The following PDE1B variants were observed in gnomAD, a reference collection of about 807,000 sequenced individuals.
The protein encoded by PDE1B is dual specificity calcium/calmodulin-dependent 3',5'-cyclic nucleotide phosphodiesterase 1B.
In PDE1B, 13 loss-of-function variants were observed where a neutral mutation model predicts 66.7. The observed-to-expected ratio is 0.19, with a 90% CI of 0.13 to 0.31. The LOEUF (loss-of-function observed/expected upper bound fraction) is 0.31, where lower values mean the gene tolerates loss of function less well. PDE1B is among the 10% of genes least tolerant of loss of function. The pLI, the probability that PDE1B is intolerant of heterozygous loss-of-function variation, is 1.00. For synonymous variants in PDE1B, 230 were observed against 253.9 expected (o/e 0.91, Z 0.90); for missense variants, 485 against 682.3 (o/e 0.71, Z 3.22).
At position 54,575,354 on chromosome 12, in the gene PDE1B, A is replaced by G. The variant is rs1957715079; in HGVS notation, c.1185+136A>G. 2.4e-6 allele frequency: 2 copies of G among 827,724 alleles called. No individual in the cohort carries two copies. Among genetic ancestry groups the G allele is most frequent in the African/African-American group, 3.4e-5 (2 of 59,356 alleles). 51.3% of individuals were successfully genotyped at this position (827,724 alleles called of 1,614,324 possible). A position where few individuals can be genotyped will look rare whatever the true frequency, so the allele number is the denominator to read the frequency against. ...GACCTGATCCCAAATCCTTGGGGTA[A>G]AACCCCATTATCCTAAAAGCCTAAC... On this transcript the variant is annotated intron_variant, in intron 11 of 15. Coordinates refer to ENST00000243052, the MANE Select transcript of PDE1B (RefSeq NM_000924.4). This position sits in a 1 kb window ranked among gnomAD's most constrained non-coding sequence, Gnocchi z 4.0.
intron 10 of PDE1B, chr12:54,574,781 G>C (rs1957700434): frequency 5.3e-6 from 1 of 189,126 alleles, no homozygotes; most frequent in African/African-American, 2.4e-5. Flanking sequence ...GACCAGCCTG[G>C]CCAACACGGT....
chr12:54,559,578 T>A (rs780848964), intron 2 of PDE1B, among the ~76,000 whole-genome samples: 2 of 151,782 alleles, frequency 1.3e-5, no homozygotes, highest in Admixed American at 6.6e-5. Flanking sequence ...TTAGGAAGAG[T>A]AAATAATAAT....
rs1002064213 is a variant in PDE1B at position 54,561,375 on chromosome 12, A to T, written c.114-5599A>T. 5.0e-5 allele frequency: 46 copies of T among 921,742 alleles called. No homozygotes were observed. The African/African-American group carries it at 7.4e-4, about 15-fold the overall frequency. The allele number at this position is 921,742 out of a possible 1,614,324, so 57.1% of individuals were successfully genotyped here. ...AACTTTTCCCGCAGCCTCCCCTCTC[A>T]CCCAGTTCCGGTAGGCTGGGTCTCT... is the stretch of plus-strand genomic sequence containing the variant. On this transcript the variant is annotated intron_variant, in intron 2 of 15. Transcript: ENST00000243052.
chr12:54,555,942 C>T (rs1228520101), intron 2 of PDE1B, among the ~76,000 whole-genome samples: 1 of 152,164 alleles, frequency 6.6e-6, no homozygotes, highest in Non-Finnish European at 1.5e-5. Context: ...GCTCCCTCCC[C>T]TCACTGAGGG....
chr12:54,576,196 G>C (rs915805417), intron 13 of PDE1B, 96 bp downstream of exon 13: 2 of 797,944 alleles, frequency 2.5e-6, no homozygotes, highest in Non-Finnish European at 4.4e-6. Context: ...CAGCCATGGT[G>C]GGGTGGTGGG....
At chr12:54,552,474 C>T (rs1324568999) in intron 2 of PDE1B, among the ~76,000 whole-genome samples, 3 of 152,134 alleles carry the variant, frequency 2.0e-5, no homozygotes, top group Non-Finnish European at 4.4e-5. Flanking sequence ...TCCTATTCCC[C>T]CCCTTCTACC....
intron 3 of PDE1B, among the ~76,000 whole-genome samples, chr12:54,568,052 C>T (rs531508011): frequency 6.6e-6 from 1 of 152,268 alleles, no homozygotes; most frequent in East Asian, 1.9e-4. Flanking sequence ...GATGGGGTTT[C>T]TCCATGTTGG....
chr12:54,555,171 T>C (rs1007272003), intron 2 of PDE1B, among the ~76,000 whole-genome samples: 1 of 152,160 alleles, frequency 6.6e-6, no homozygotes, highest in Non-Finnish European at 1.5e-5. Context: ...ATGGTCAAAC[T>C]GGAAGTGGAT....
At position 54,573,870 on chromosome 12, in the gene PDE1B, AGTGTGTGTGTGTGTGTGT is replaced by A. The variant is rs1555175896; in HGVS notation, c.1064+186_1064+203del. ...GCATCTCTATGTGAGAGAGAGAGAG[AGTGTGTGTGTGTGTGTGT>A]GTGTGTGTGTGTGTGTGTGTGTGTC... is the stretch of plus-strand genomic sequence containing the variant. On this transcript the variant is annotated intron_variant, in intron 10 of 15. Transcript: ENST00000243052. The surrounding 1 kb of genome is among the most constrained non-coding windows in gnomAD (Gnocchi z 5.2). 3.6e-5 allele frequency: 18 copies of A among 502,108 alleles called. No homozygotes were observed. The highest frequency in any genetic ancestry group is 1.8e-4 in the East Asian group (5 of 27,592). 31.1% of individuals were successfully genotyped at this position (502,108 alleles called of 1,614,324 possible). A position where few individuals can be genotyped will look rare whatever the true frequency, so the allele number is the denominator to read the frequency against.
At chr12:54,550,518 G>A (rs1399854304) in intron 2 of PDE1B, among the ~76,000 whole-genome samples, 1 of 152,172 alleles carries the variant, frequency 6.6e-6, no homozygotes, top group Non-Finnish European at 1.5e-5. Context: ...AGGAAGTGGG[G>A]TGGGGGTTAC....
Position 54,573,224 on chromosome 12 carries a change from C to G in PDE1B, c.812C>G (p.Thr271Ser). The change falls in exon 8 of 16, where the codon ACC becomes AGC. Residue 271 changes from threonine to serine, a missense_variant. Thr to Ser is a moderately conservative substitution (Grantham distance 58). Around this residue, in one of 4 missense-constraint regions of PDE1B, gnomAD observed 282 missense variants for 453.4 expected, o/e 0.62. Transcript: ENST00000243052. This position sits in a 1 kb window ranked among gnomAD's most constrained non-coding sequence, Gnocchi z 5.2. The stretch of plus-strand genomic sequence containing the variant: ...CATGATTATGAGCACACGGGCACTA[C>G]CAACAGCTTCCACATCCAGACCAAG... ...AIHDYEHTGT[T>S]NSFHIQTKSE... 1.2e-6 allele frequency: 2 copies of G among 1,613,964 alleles called. No individual in the cohort carries two copies. Among genetic ancestry groups the G allele is most frequent in the Non-Finnish European group, 1.7e-6 (2 of 1,179,876 alleles).
intron 2 of PDE1B, chr12:54,550,187 G>A: frequency 7.1e-7 from 1 of 1,408,510 alleles, no homozygotes; most frequent in South Asian, 1.6e-5. Flanking sequence ...CAGTTGGAGC[G>A]GGCTTAGGAG....
At chr12:54,566,506 G>T (rs751182784) in intron 2 of PDE1B, among the ~76,000 whole-genome samples, 16 of 152,196 alleles carry the variant, frequency 1.1e-4, no homozygotes, top group Admixed American at 9.8e-4. Flanking sequence ...ATGACCAAGA[G>T]ACAATGAAAT....
intron 2 of PDE1B, among the ~76,000 whole-genome samples, chr12:54,556,051 G>C (rs1957338444): frequency 6.6e-6 from 1 of 152,144 alleles, no homozygotes; most frequent in East Asian, 1.9e-4. Flanking sequence ...CGTGTCTTTT[G>C]CCTTCTCAGT....
In PDE1B at chr12:54,572,440, C is replaced by T. The variant is rs1026201649; in HGVS notation, c.595-161C>T. On this transcript the variant is annotated intron_variant, in intron 6 of 15. Transcript: ENST00000243052. ...GACTTACCCAAGGTTGCACAGCCAG[C>T]AGGTGGTAGAGGCAGGATATGAGCC... 21 of 683,842 alleles carry T rather than the reference C, an allele frequency of 3.1e-5. No homozygotes were observed. The African/African-American group carries it at 3.4e-4, about 11-fold the overall frequency. 42.4% of individuals were successfully genotyped at this position (683,842 alleles called of 1,614,324 possible). A position where few individuals can be genotyped will look rare whatever the true frequency, so the allele number is the denominator to read the frequency against.
chr12:54,550,079 A>G (rs990932430), intron 2 of PDE1B, 94 bp downstream of exon 2: 2 of 1,503,580 alleles, frequency 1.3e-6, no homozygotes, highest in African/African-American at 2.8e-5. Flanking sequence ...GTGGGCTGGT[A>G]GATTCTCTTT....
chr12:54,563,233 G>A (rs1190260567), intron 2 of PDE1B, among the ~76,000 whole-genome samples: 2 of 152,184 alleles, frequency 1.3e-5, no homozygotes, highest in Admixed American at 6.5e-5. Flanking sequence ...AGGTTGGACC[G>A]GCTGAGACTG....
intron 3 of PDE1B, among the ~76,000 whole-genome samples, chr12:54,568,354 T>C (rs1442296311): frequency 6.6e-6 from 1 of 151,568 alleles, no homozygotes; most frequent in Non-Finnish European, 1.5e-5. Context: ...CCCAGCTACT[T>C]GGGAGGCTGA....
In PDE1B at chr12:54,569,110, G is replaced by T; in HGVS notation, c.228-74G>T. ...ATGAGAGTTACTAAATGTGGGGTATGGCTGGGTACAGGGTCTCTAGGCTGT... is the reference window on the plus strand; with the variant it reads ...ATGAGAGTTACTAAATGTGGGGTATTGCTGGGTACAGGGTCTCTAGGCTGT... On this transcript the variant is annotated intron_variant, in intron 3 of 15. Coordinates refer to ENST00000243052, the MANE Select transcript of PDE1B (RefSeq NM_000924.4). The surrounding 1 kb of genome is among the most constrained non-coding windows in gnomAD (Gnocchi z 4.4). 6.7e-7 allele frequency: 1 copy of T among 1,502,426 alleles called. No individual in the cohort carries two copies. The highest frequency in any genetic ancestry group is 1.4e-5 in the South Asian group (1 of 71,336). 93.1% of individuals were successfully genotyped at this position (1,502,426 alleles called of 1,614,324 possible). A position where few individuals can be genotyped will look rare whatever the true frequency, so the allele number is the denominator to read the frequency against.
Sources: allele counts gnomAD v4.1 joint callset (sites outside exome capture counted in the v4.1 genomes callset), GRCh38; gene constraint gnomAD v4.1.1; regional missense constraint gnomAD v4.1.1; non-coding constraint Gnocchi (gnomAD v3.1); transcripts MANE v1.5; gene names NCBI Gene and HGNC (gene_info 2026-07-23, HGNC 2026-07-21).